Variants in NAT9 observed in about 807,000 individuals in gnomAD.
NAT9 encodes the protein N-acetyltransferase 9.
In NAT9, 18 loss-of-function variants were observed where a neutral mutation model predicts 24.0. That is an observed-to-expected ratio of 0.75 (90% CI 0.52 to 1.11). NAT9 has a LOEUF of 1.11. NAT9 is among the 50% of genes most tolerant of loss of function. The pLI is 0.00. For missense variants in NAT9, 254 were observed against 258.6 expected (o/e 0.98, Z 0.12); for synonymous variants, 104 against 102.3 (o/e 1.02, Z -0.10).
chr17:74,774,411 A>ATTTT (rs1376637159), intron 2 of NAT9, among the ~76,000 whole-genome samples: 8 of 127,234 alleles, frequency 6.3e-5, no homozygotes, highest in Non-Finnish European at 9.9e-5. Context: ...AGGTTCTGCT[A>ATTTT]TTTTTTTTTT....
Position 74,772,689 on chromosome 17 carries a change from T to C in NAT9, c.334+207A>G, listed in dbSNP as rs2035388998. The C allele has an allele frequency of 3.5e-6, 4 of 1,137,984 alleles. No individual in the cohort carries two copies. In the Admixed American group the frequency reaches 8.8e-5, roughly 25 times the overall value. The allele number at this position is 1,137,984 out of a possible 1,614,324, so 70.5% of individuals were successfully genotyped here. ...CCAAACCAAGGGTTAAGTTCACGCCTAAGCATAAGGACTAAAGTGATGAGG... is the reference window on the plus strand; with the variant it reads ...CCAAACCAAGGGTTAAGTTCACGCCCAAGCATAAGGACTAAAGTGATGAGG... On this transcript the variant is annotated intron_variant, in intron 4 of 6. Coordinates refer to ENST00000357814, the MANE Select transcript of NAT9 (RefSeq NM_015654.5).
In NAT9 at chr17:74,771,507, G is replaced by T; in HGVS notation, c.*217C>A. On this transcript the variant is annotated 3_prime_UTR_variant, in exon 7 of 7. Transcript: ENST00000357814. ...CTAGAGTCTGGGTCTGGGTTTGGCC[G>T]GGAGGGGAGAAGGGAACTGGCCCTG... The T allele has an allele frequency of 1.4e-6, 1 of 694,936 alleles. No homozygotes were observed. The highest frequency in any genetic ancestry group is 2.3e-6 in the Non-Finnish European group (1 of 427,892). 43.0% of individuals were successfully genotyped at this position (694,936 alleles called of 1,614,324 possible). A position where few individuals can be genotyped will look rare whatever the true frequency, so the allele number is the denominator to read the frequency against.
intron 2 of NAT9, 69 bp downstream of exon 2, chr17:74,775,553 T>C: frequency 7.7e-7 from 1 of 1,293,782 alleles, no homozygotes; most frequent in Non-Finnish European, 1.1e-6. Context: ...GAAATAGCCC[T>C]GAGACTGGGG....
chr17:74,775,834 G>T, intron 1 of NAT9, 127 bp from the exon 2 acceptor site: 1 of 617,252 alleles, frequency 1.6e-6, no homozygotes, highest in Non-Finnish European at 2.8e-6. Context: ...ACACTTCAAA[G>T]AATACAGACT....
At position 74,772,261 on chromosome 17, in the gene NAT9, A is replaced by ACCCCTGCAGCTGGGCTCTAG; in HGVS notation, c.335-4_350dup (p.Lys118Ter). 6.2e-7 allele frequency: 1 copy of ACCCCTGCAGCTGGGCTCTAG among 1,614,078 alleles called. No homozygotes were observed. Among genetic ancestry groups the ACCCCTGCAGCTGGGCTCTAG allele is most frequent in the South Asian group, 1.1e-5 (1 of 91,080 alleles). On this transcript the variant is annotated stop_gained and frameshift_variant, in exon 5 of 7. Transcript: ENST00000357814. LOFTEE classifies it high-confidence loss of function. Reference sequence around the variant, plus strand: ...GAACGGCCTCAGTGCCAAGGCCCTTACCCCTGCAGCTGGGCTCTAGGAGAG... The same window carrying ACCCCTGCAGCTGGGCTCTAG: ...GAACGGCCTCAGTGCCAAGGCCCTTACCCCTGCAGCTGGGCTCTAGCCCCTGCAGCTGGGCTCTAGGAGAG...
chr17:74,774,799 C>T (rs971578557), intron 2 of NAT9, among the ~76,000 whole-genome samples: 1 of 152,138 alleles, frequency 6.6e-6, no homozygotes, highest in Non-Finnish European at 1.5e-5. Flanking sequence ...ATCCGCCTGC[C>T]TCGGTCTCCC....
chr17:74,772,862 G>C (rs1178449444), intron 4 of NAT9, 34 bp downstream of exon 4: 2 of 1,612,706 alleles, frequency 1.2e-6, no homozygotes, highest in Admixed American at 1.7e-5. Context: ...TGAGAGCCGG[G>C]AGTCAGCGGA....
chr17:74,774,652 A>C (rs1567846617), intron 2 of NAT9, among the ~76,000 whole-genome samples: 4 of 147,728 alleles, frequency 2.7e-5, no homozygotes, highest in African/African-American at 1.0e-4. Flanking sequence ...CCGGGTTCAC[A>C]CATTCTCCTG....
intron 2 of NAT9, 75 bp downstream of exon 2, chr17:74,775,547 T>A: frequency 8.2e-7 from 1 of 1,222,704 alleles, no homozygotes; most frequent in Non-Finnish European, 1.2e-6. Context: ...TTAGGGGAAA[T>A]AGCCCTGAGA....
intron 4 of NAT9, 27 bp from the exon 5 acceptor site, chr17:74,772,304 G>A: frequency 1.2e-6 from 2 of 1,612,462 alleles, no homozygotes; most frequent in Non-Finnish European, 8.5e-7. Context: ...GAGCGGCGCT[G>A]ACGCCGTGTG....
chr17:74,775,115 A>C (rs1322402980), intron 2 of NAT9, among the ~76,000 whole-genome samples: 1 of 151,938 alleles, frequency 6.6e-6, no homozygotes, highest in Non-Finnish European at 1.5e-5. Context: ...TCAGCCTCCC[A>C]AAGTGCTGGG....
At chr17:74,772,152 TCA>T (rs758747104) in intron 5 of NAT9, 64 bp downstream of exon 5, 19 of 1,613,622 alleles carry the variant, frequency 1.2e-5, no homozygotes, top group Non-Finnish European at 1.6e-5. Flanking sequence ...CCCCCAACCC[TCA>T]CACCTGAACA....
chr17:74,772,703 A>G (rs2035390833), intron 4 of NAT9, 193 bp downstream of exon 4: 2 of 1,131,496 alleles, frequency 1.8e-6, no homozygotes, highest in Admixed American at 2.9e-5. Context: ...CATAAGGACT[A>G]AAGTGATGAG....
At position 74,772,460 on chromosome 17, in the gene NAT9, G is replaced by A. The variant is rs772919166; in HGVS notation, c.335-183C>T. On this transcript the variant is annotated intron_variant, in intron 4 of 6. Coordinates refer to ENST00000357814, the MANE Select transcript of NAT9 (RefSeq NM_015654.5). ...CTCACAGCTTGCAACCCAGCAACCT[G>A]ACTTCAAAGCTGACCTCTTTACCTC... The A allele has an allele frequency of 7.7e-6, 11 of 1,432,938 alleles. No homozygotes were observed. The Admixed American group carries it at 2.9e-4, about 38-fold the overall frequency. The allele number at this position is 1,432,938 out of a possible 1,614,324, so 88.8% of individuals were successfully genotyped here.
chr17:74,775,633 C>T lies in NAT9; in HGVS notation c.66G>A (p.Glu22=), dbSNP rs577220959. 2.5e-6 allele frequency: 4 copies of T among 1,613,970 alleles called. No homozygotes were observed. In the East Asian group the frequency reaches 8.9e-5, roughly 36 times the overall value. Reference sequence around the variant, plus strand: ...AGCGGGAAAGATACCTGGGCACATGCTCCGAGGTGTAGGGTACAAGGACCA... The same window carrying T: ...AGCGGGAAAGATACCTGGGCACATGTTCCGAGGTGTAGGGTACAAGGACCA... ...KKVVLVPYTS[E]HVPSRYHEWM... is the part of the protein sequence containing the mutation. The change falls in exon 2 of 7, where the codon GAG becomes GAA. Residue 22 remains glutamate (E), a synonymous_variant. Coordinates refer to ENST00000357814, the MANE Select transcript of NAT9 (RefSeq NM_015654.5).
chr17:74,772,334 C>A, intron 4 of NAT9, 57 bp from the exon 5 acceptor site: 1 of 1,598,428 alleles, frequency 6.3e-7, no homozygotes, highest in Middle Eastern at 1.7e-4. Context: ...AGTGCGGGCA[C>A]TTGGCAGACA....
At chr17:74,773,375 T>A in intron 3 of NAT9, 1 of 599,916 alleles carries the variant, frequency 1.7e-6, no homozygotes, top group Non-Finnish European at 2.9e-6. Flanking sequence ...CCAAGCCCGA[T>A]GCAGTGGGTG....
chr17:74,772,622 C>T, intron 4 of NAT9: 1 of 1,343,332 alleles, frequency 7.4e-7, no homozygotes, highest in East Asian at 2.7e-5. Flanking sequence ...TGAGGGTCCC[C>T]AGCCCACCCC....
Position 74,775,626 on chromosome 17 carries a change from G to A in NAT9, c.73C>T (p.Pro25Ser). Residue 25 changes from proline (P) to serine (S), a missense_variant, in exon 2 of 7, where the codon CCC becomes TCC. By Grantham distance (74) the Pro-to-Ser change is moderately conservative (BLOSUM62 -1). Transcript: ENST00000357814. ...VLVPYTSEHV[P>S]SRYHEWMKSE... The stretch of plus-strand genomic sequence containing the variant: ...CATGTCAAGCGGGAAAGATACCTGG[G>A]CACATGCTCCGAGGTGTAGGGTACA... 2 of 1,613,822 alleles carry A rather than the reference G, an allele frequency of 1.2e-6. No homozygotes were observed. The highest frequency in any genetic ancestry group is 1.7e-6 in the Non-Finnish European group (2 of 1,179,724).
Sources: gnomAD v4.1 joint callset for allele counts (sites outside exome capture counted in the v4.1 genomes callset) on GRCh38, gnomAD v4.1.1 for gene constraint, MANE v1.5 for transcripts, NCBI Gene and HGNC (gene_info 2026-07-23, HGNC 2026-07-21) for gene names.